SESN3: variants seen among roughly 807,000 people sequenced by gnomAD.
SESN3 encodes sestrin 3.
SESN3 carries 21 observed loss-of-function variants against 55.3 expected under a neutral mutation model. The observed-to-expected ratio is 0.38, with a 90% CI of 0.27 to 0.55. The LOEUF is 0.55. Among genes scored for constraint, SESN3 ranks in the 20% least tolerant of loss-of-function variants. SESN3 has a pLI of 0.76. For missense variants in SESN3, 408 were observed against 604.3 expected (o/e 0.68, Z 3.41); for synonymous variants, 181 against 203.1 (o/e 0.89, Z 0.93).
At chr11:95,186,760 G>C (rs901968032) in intron 4 of SESN3, among the ~76,000 whole-genome samples, 26 of 151,666 alleles carry the variant, frequency 1.7e-4, no homozygotes, top group Admixed American at 2.6e-4. Flanking sequence ...AATTTAAAAA[G>C]TGATCTTAAG....
chr11:95,205,189 G>A (rs1228443740), intron 1 of SESN3, among the ~76,000 whole-genome samples: 1 of 152,194 alleles, frequency 6.6e-6, no homozygotes, highest in Non-Finnish European at 1.5e-5. Flanking sequence ...AACTTTCTCA[G>A]GGAATAAGGC....
chr11:95,211,937 A>G (rs1326781622), intron 1 of SESN3, among the ~76,000 whole-genome samples: 4 of 152,236 alleles, frequency 2.6e-5, no homozygotes, highest in African/African-American at 9.6e-5. Flanking sequence ...CATTAATTCG[A>G]TATTTTGTTC....
In SESN3 at chr11:95,173,333, G is replaced by T; in HGVS notation, c.1401C>A (p.Val467=). The T allele has an allele frequency of 6.3e-7, 1 of 1,588,816 alleles. No homozygotes were observed. Among genetic ancestry groups the T allele is most frequent in the Non-Finnish European group, 8.6e-7 (1 of 1,159,102 alleles). ...RQFKHSEKVH[V]NLLLMEARMQ... ...TTCGTGCTTCCATTAAAAGTAGATT[G>T]ACATGAACCTAGAAGTGAAAATGTT... Residue 467 remains valine (V), a synonymous_variant, in exon 10 of 10, where the codon GTC becomes GTA. Transcript: ENST00000536441.
chr11:95,223,306 C>G (rs1468703703), intron 1 of SESN3, among the ~76,000 whole-genome samples: 1 of 152,126 alleles, frequency 6.6e-6, no homozygotes, highest in African/African-American at 2.4e-5. Context: ...TTTTCTTGTT[C>G]CTTCTGCTGC....
intron 1 of SESN3, among the ~76,000 whole-genome samples, chr11:95,228,372 T>G: frequency 6.6e-6 from 1 of 152,218 alleles, no homozygotes; most frequent in East Asian, 1.9e-4. Context: ...TGGATGAGCA[T>G]GAGTTTCATT....
At chr11:95,207,807 T>C (rs1488650088) in intron 1 of SESN3, among the ~76,000 whole-genome samples, 1 of 151,184 alleles carries the variant, frequency 6.6e-6, no homozygotes, top group Non-Finnish European at 1.5e-5. Flanking sequence ...TTCTCTTCAA[T>C]GTTCTATACT....
chr11:95,190,867 T>C (rs1400496481), intron 3 of SESN3, among the ~76,000 whole-genome samples: 2 of 152,026 alleles, frequency 1.3e-5, no homozygotes, highest in South Asian at 2.1e-4. Context: ...CAAAACTTTA[T>C]AATTCTCCTC....
intron 1 of SESN3, among the ~76,000 whole-genome samples, chr11:95,193,944 C>CT (rs1208756128): frequency 6.6e-6 from 1 of 152,022 alleles, no homozygotes. Context: ...ACCCAGTCTG[C>CT]TTTTTTTCCC....
intron 6 of SESN3, among the ~76,000 whole-genome samples, chr11:95,181,185 TG>T (rs1194644634): frequency 6.6e-6 from 1 of 152,100 alleles, no homozygotes; most frequent in African/African-American, 2.4e-5. Flanking sequence ...ATTACATAGT[TG>T]GTTCTTTAGT....
chr11:95,208,323 G>A lies in SESN3; in HGVS notation c.79-14801C>T, dbSNP rs563744537. Among the ~76,000 whole-genome samples, 14 of 151,552 alleles carry A rather than the reference G, an allele frequency of 9.2e-5. No individual in the cohort carries two copies. In the South Asian group the frequency reaches 2.8e-3, roughly 30 times the overall value. ...AGTATTACTGGTCCTGTATATATTAGTGAGGTTTAACTTTATGTAACTGTT... is the reference window on the plus strand; with the variant it reads ...AGTATTACTGGTCCTGTATATATTAATGAGGTTTAACTTTATGTAACTGTT... On this transcript the variant is annotated intron_variant, in intron 1 of 9. Transcript: ENST00000536441.
intron 4 of SESN3, among the ~76,000 whole-genome samples, chr11:95,189,008 G>T (rs1350614595): frequency 6.6e-6 from 1 of 151,810 alleles, no homozygotes; most frequent in Non-Finnish European, 1.5e-5. Flanking sequence ...GCTATGTTTG[G>T]TTGAAAGGGC....
intron 1 of SESN3, chr11:95,200,998 T>C: frequency 6.6e-6 from 1 of 152,108 alleles, no homozygotes; most frequent in Non-Finnish European, 1.5e-5. Flanking sequence ...CTTAGAATGG[T>C]GTACATGTGA....
At chr11:95,217,351 A>G (rs1860778789) in intron 1 of SESN3, among the ~76,000 whole-genome samples, 1 of 152,162 alleles carries the variant, frequency 6.6e-6, no homozygotes, top group African/African-American at 2.4e-5. Flanking sequence ...TGAAGCATAC[A>G]TTATTAAACT....
chr11:95,200,038 A>G (rs1429532273), intron 1 of SESN3, among the ~76,000 whole-genome samples: 1 of 152,034 alleles, frequency 6.6e-6, no homozygotes, highest in African/African-American at 2.4e-5. Flanking sequence ...CCCCAAACAA[A>G]ATTTTTAGGT....
intron 8 of SESN3, among the ~76,000 whole-genome samples, chr11:95,176,973 T>G (rs1457017532): frequency 6.6e-6 from 1 of 152,170 alleles, no homozygotes; most frequent in African/African-American, 2.4e-5. Flanking sequence ...TCAGCTAAAA[T>G]TATAGAAAAT....
chr11:95,185,016 T>C (rs1860137399), intron 5 of SESN3, among the ~76,000 whole-genome samples: 1 of 152,078 alleles, frequency 6.6e-6, no homozygotes, highest in Non-Finnish European at 1.5e-5. Flanking sequence ...TAAAAGCCTA[T>C]GATCACTAGA....
intron 1 of SESN3, among the ~76,000 whole-genome samples, chr11:95,223,476 T>C (rs1860895682): frequency 6.6e-6 from 1 of 152,222 alleles, no homozygotes; most frequent in Non-Finnish European, 1.5e-5. Flanking sequence ...AAGGAGAATA[T>C]TCCTTCAAAG....
In SESN3 at chr11:95,169,059, T is replaced by G. The variant is rs1859801924; in HGVS notation, c.*4196A>C. The G allele has an allele frequency of 6.6e-6, 1 of 152,252 alleles. No individual in the cohort carries two copies. The highest frequency in any genetic ancestry group is 2.4e-5 in the African/African-American group (1 of 41,470). The allele number at this position is 152,252 out of a possible 1,614,324, so 9.4% of individuals were successfully genotyped here. ...ATAGGGCTCTGCCTTGACATATACC[T>G]CTACCTCTCTTATCCATTTCACCCC... is the stretch of plus-strand genomic sequence containing the variant. On this transcript the variant is annotated 3_prime_UTR_variant, in exon 10 of 10. Coordinates refer to ENST00000536441, the MANE Select transcript of SESN3 (RefSeq NM_144665.4).
In SESN3 at chr11:95,184,560, A is replaced by G; in HGVS notation, c.797T>C (p.Met266Thr). The G allele has an allele frequency of 1.9e-6, 3 of 1,613,292 alleles. No individual in the cohort carries two copies. Among genetic ancestry groups the G allele is most frequent in the South Asian group, 1.1e-5 (1 of 91,060 alleles). ...TTCTTGAAGTCTTTTCATCCTTTCC[A>G]TTAAGGCCTCTAGCTCACTTAGAGA... ...VDSLSELEAL[M>T]ERMKRLQEER... is the part of the protein sequence containing the mutation. The change falls in exon 6 of 10, where the codon ATG becomes ACG. Residue 266 changes from methionine (M) to threonine (T), a missense_variant. By Grantham distance (81) the Met-to-Thr change is moderately conservative (BLOSUM62 -1). Around this residue, in one of 4 missense-constraint regions of SESN3, gnomAD observed 119 missense variants for 139.9 expected, o/e 0.85. Transcript: ENST00000536441.
Sources: allele counts gnomAD v4.1 joint callset (sites outside exome capture counted in the v4.1 genomes callset), GRCh38; gene constraint gnomAD v4.1.1; regional missense constraint gnomAD v4.1.1; transcripts MANE v1.5; gene names NCBI Gene and HGNC (gene_info 2026-07-23, HGNC 2026-07-21).